The following LYRM4 variants were observed in gnomAD, a reference collection of about 807,000 sequenced individuals.
The protein encoded by LYRM4 is LYR motif containing 4.
A neutral mutation model predicts 11.7 loss-of-function variants in LYRM4; 9 were observed. The observed-to-expected ratio is 0.77, with a 90% confidence interval of 0.46 to 1.34. The LOEUF is 1.34. LYRM4 is among the 40% of genes most tolerant of loss of function. The probability of loss-of-function intolerance (pLI) is 0.00; values close to 1 mark genes in which losing one functional copy is unlikely to be tolerated. For synonymous variants in LYRM4, 42 were observed against 40.4 expected, an observed-to-expected ratio of 1.04 and a Z score of -0.15; for missense variants, 133 against 112.5, an observed-to-expected ratio of 1.18 and a Z score of -0.82.
At position 5,213,329 on chromosome 6, in the gene LYRM4, G is replaced by T. The variant is rs78912296; in HGVS notation, c.207+3289C>A. ...CTTACTAGGGTTATGGGACGCGGGG[G>T]TGGAGGGGTATCATTAGCACCACAG... On this transcript the variant is annotated intron_variant, in intron 2 of 2. Coordinates refer to ENST00000330636, the MANE Select transcript of LYRM4 (RefSeq NM_020408.6). Among the ~76,000 whole-genome samples, 135 of 152,322 alleles carry T rather than the reference G, an allele frequency of 8.9e-4. 2 individuals carry two copies. The East Asian group carries it at 0.025, about 29-fold the overall frequency.
intron 2 of LYRM4, among the ~76,000 whole-genome samples, chr6:5,154,824 A>C (rs1758311818): frequency 6.6e-6 from 1 of 152,196 alleles, no homozygotes; most frequent in South Asian, 2.1e-4. Flanking sequence ...GTCTCAAAAA[A>C]TAAATGAATA....
At chr6:5,051,140 A>G in the LYRM4 span, among the ~76,000 whole-genome samples, 1 of 152,246 alleles carries the variant, frequency 6.6e-6, no homozygotes, top group Non-Finnish European at 1.5e-5. Flanking sequence ...TGAAGGCCAA[A>G]AAGATTACAG....
chr6:5,188,360 C>T (rs952475246), intron 2 of LYRM4, among the ~76,000 whole-genome samples: 8 of 151,090 alleles, frequency 5.3e-5, no homozygotes, highest in African/African-American at 2.0e-4. Flanking sequence ...GAGCAAGACT[C>T]ACTCTCAAAA....
At chr6:5,194,376 G>C (rs534886035) in intron 2 of LYRM4, among the ~76,000 whole-genome samples, 51 of 152,240 alleles carry the variant, frequency 3.3e-4, no homozygotes, top group African/African-American at 1.2e-3. Context: ...CCTGTGACCC[G>C]TGTGAACAGG....
chr6:5,073,546 G>A, the LYRM4 span, among the ~76,000 whole-genome samples: 1 of 146,390 alleles, frequency 6.8e-6, no homozygotes. Context: ...TACTATATAG[G>A]ATTATAAATA....
downstream of LYRM4, chr6:5,107,072 G>A (rs1340503702): frequency 6.6e-6 from 1 of 152,278 alleles, no homozygotes; most frequent in Non-Finnish European, 1.5e-5. Flanking sequence ...GAAAGGTGGA[G>A]GACCAAGGCC....
chr6:5,039,751 A>G, the LYRM4 span, among the ~76,000 whole-genome samples: 1 of 152,234 alleles, frequency 6.6e-6, no homozygotes, highest in Non-Finnish European at 1.5e-5. Flanking sequence ...AAAATTGAAA[A>G]TCTGATCTAA....
At chr6:5,236,284 G>T (rs1157728495) in intron 1 of LYRM4, 1 of 152,034 alleles carries the variant, frequency 6.6e-6, no homozygotes, top group Non-Finnish European at 1.5e-5. Flanking sequence ...GGCCAACATG[G>T]TGAAACCCCG....
At chr6:5,055,827 C>T in the LYRM4 span, among the ~76,000 whole-genome samples, 1 of 152,134 alleles carries the variant, frequency 6.6e-6, no homozygotes, top group Non-Finnish European at 1.5e-5. The surrounding 1 kb of genome is among the most constrained non-coding windows in gnomAD (Gnocchi z 4.5). Flanking sequence ...CAAAGGGACT[C>T]ACCAACATAA....
At position 5,260,831 on chromosome 6, in the gene LYRM4, T is replaced by C; in HGVS notation, c.-98A>G. 6.6e-7 allele frequency: 1 copy of C among 1,516,314 alleles called. No homozygotes were observed. Among genetic ancestry groups the C allele is most frequent in the Non-Finnish European group, 8.8e-7 (1 of 1,138,238 alleles). 93.9% of individuals were successfully genotyped at this position (1,516,314 alleles called of 1,614,324 possible). A position where few individuals can be genotyped will look rare whatever the true frequency, so the allele number is the denominator to read the frequency against. On this transcript the variant is annotated 5_prime_UTR_variant, in exon 1 of 3. Coordinates refer to ENST00000330636, the MANE Select transcript of LYRM4 (RefSeq NM_020408.6). ...GCCTGTGCGGAAACCACGAACGAAA[T>C]AAAATGCTGCGGCTCGGCTTTGCCA...
chr6:5,094,471 G>A, the LYRM4 span, among the ~76,000 whole-genome samples: 7 of 152,196 alleles, frequency 4.6e-5, no homozygotes, highest in African/African-American at 1.7e-4. Context: ...ATGATAGAGT[G>A]AGATCCTATT....
intron 1 of LYRM4, 111 bp downstream of exon 1, chr6:5,260,537 G>T: frequency 7.1e-7 from 1 of 1,416,198 alleles, no homozygotes; most frequent in Non-Finnish European, 9.5e-7. Context: ...CCTCGCAGCC[G>T]CCGGCAAACC....
chr6:5,231,227 A>C (rs1039244779), intron 1 of LYRM4, among the ~76,000 whole-genome samples: 7 of 152,028 alleles, frequency 4.6e-5, no homozygotes, highest in South Asian at 4.2e-4. Flanking sequence ...ACCAAAAAAA[A>C]CCCCACAAAA....
chr6:5,193,462 G>A (rs1333675815), intron 2 of LYRM4, among the ~76,000 whole-genome samples: 1 of 152,206 alleles, frequency 6.6e-6, no homozygotes, highest in African/African-American at 2.4e-5. Context: ...AGATAGAGCA[G>A]TGAAGGATGG....
At position 5,260,701 on chromosome 6, in the gene LYRM4, A is replaced by G. The variant is rs774797057; in HGVS notation, c.33T>C (p.Ser11=). ...TCTCTCTCAGCATCGCCCGGTACAG[A>G]GATAACACTTGTGCGCGACTGGAGG... The part of the protein sequence containing the change: MAASSRAQVL[S]LYRAMLRESK... The change falls in exon 1 of 3, where the codon TCT becomes TCC. Residue 11 remains serine (S), a synonymous_variant. Transcript: ENST00000330636. 6.4e-7 allele frequency: 1 copy of G among 1,554,014 alleles called. No individual in the cohort carries two copies. The highest frequency in any genetic ancestry group is 8.7e-7 in the Non-Finnish European group (1 of 1,150,196).
chr6:5,086,212 C>T, the LYRM4 span: 4 of 1,535,224 alleles, frequency 2.6e-6, no homozygotes, highest in Non-Finnish European at 2.6e-6. Flanking sequence ...GCTCAGCTGC[C>T]CTGGGCCCAG....
chr6:5,142,930 A>C (rs1388737836), intron 2 of LYRM4, among the ~76,000 whole-genome samples: 2 of 152,228 alleles, frequency 1.3e-5, no homozygotes, highest in Non-Finnish European at 2.9e-5. Flanking sequence ...GTCTCCCAGG[A>C]GGCCGCATCG....
chr6:5,250,099 T>C (rs988240099), intron 1 of LYRM4, among the ~76,000 whole-genome samples: 8 of 152,228 alleles, frequency 5.3e-5, no homozygotes, highest in African/African-American at 1.9e-4. Flanking sequence ...ATTGTACTTT[T>C]TGGCCTAACT....
the LYRM4 span, among the ~76,000 whole-genome samples, chr6:5,057,721 A>G: frequency 1.3e-5 from 2 of 151,728 alleles, no homozygotes; most frequent in Non-Finnish European, 2.9e-5. Context: ...TCTAAAAAAA[A>G]AAAGAAAAAA....
Sources: allele counts gnomAD v4.1 joint callset (sites outside exome capture counted in the v4.1 genomes callset), GRCh38; gene constraint gnomAD v4.1.1; non-coding constraint Gnocchi (gnomAD v3.1); transcripts MANE v1.5; gene names NCBI Gene and HGNC (gene_info 2026-07-23, HGNC 2026-07-21).